The following CFAP299 variants were observed in gnomAD, a reference collection of about 807,000 sequenced individuals.
CFAP299 encodes the protein cilia- and flagella-associated protein 299.
A neutral mutation model predicts 27.0 loss-of-function variants in CFAP299; 21 were observed. That is an observed-to-expected ratio of 0.78 (90% CI 0.55 to 1.12). CFAP299 has a LOEUF of 1.12. Among genes scored for constraint, CFAP299 ranks in the 50% most tolerant of loss-of-function variants. The pLI is 0.00. For missense variants in CFAP299, 310 were observed against 276.6 expected (o/e 1.12, Z -0.86); for synonymous variants, 104 against 98.1 (o/e 1.06, Z -0.36).
chr4:80,467,855 G>A (rs1211607190), intron 2 of CFAP299, among the ~76,000 whole-genome samples: 1 of 152,200 alleles, frequency 6.6e-6, no homozygotes, highest in Non-Finnish European at 1.5e-5. Flanking sequence ...TATTCTTGGT[G>A]ACAGGAGAAA....
intron 3 of CFAP299, among the ~76,000 whole-genome samples, chr4:80,632,477 G>A (rs1023028466): frequency 1.3e-5 from 2 of 152,060 alleles, no homozygotes; most frequent in Admixed American, 6.6e-5. Flanking sequence ...TGCCAGGCAA[G>A]TGCTAGCTAC....
intron 3 of CFAP299, among the ~76,000 whole-genome samples, chr4:80,606,360 C>A (rs897489284): frequency 2.0e-5 from 3 of 152,068 alleles, no homozygotes; most frequent in Non-Finnish European, 1.5e-5. Context: ...CATGGTGAAA[C>A]CCCGTCTCTA....
chr4:80,823,116 C>T (rs887150328), intron 3 of CFAP299, among the ~76,000 whole-genome samples: 30 of 152,176 alleles, frequency 2.0e-4, no homozygotes, highest in Non-Finnish European at 1.8e-4. Flanking sequence ...CCTGGACCTA[C>T]TTAGCACCTC....
chr4:80,949,277 G>A (rs1024806751), intron 5 of CFAP299, among the ~76,000 whole-genome samples: 4 of 151,960 alleles, frequency 2.6e-5, no homozygotes, highest in African/African-American at 9.7e-5. Context: ...GTGTTTTTAG[G>A]GAAATAAGTC....
chr4:80,342,453 A>C (rs903312623), intron 1 of CFAP299, among the ~76,000 whole-genome samples: 4 of 152,242 alleles, frequency 2.6e-5, no homozygotes, highest in African/African-American at 9.6e-5. Context: ...GAAACCTATT[A>C]GACTGACAGT....
intron 3 of CFAP299, among the ~76,000 whole-genome samples, chr4:80,604,694 A>T (rs1737551986): frequency 6.6e-6 from 1 of 152,326 alleles, no homozygotes; most frequent in Admixed American, 6.5e-5. Flanking sequence ...CTTCGAGGAC[A>T]CAATGAACTG....
chr4:80,855,044 C>A (rs895197008), intron 3 of CFAP299, among the ~76,000 whole-genome samples: 3 of 151,456 alleles, frequency 2.0e-5, no homozygotes, highest in Non-Finnish European at 2.9e-5. Flanking sequence ...TCCAAAGAGC[C>A]GAAAGGATTA....
chr4:80,963,521 A>G lies in CFAP299; in HGVS notation c.611A>G (p.Gln204Arg), dbSNP rs1202956086. The G allele has an allele frequency of 6.9e-6, 11 of 1,589,036 alleles. No individual in the cohort carries two copies. Among genetic ancestry groups the G allele is most frequent in the Non-Finnish European group, 9.4e-6 (11 of 1,167,968 alleles). The change falls in exon 6 of 6, where the codon CAG (glutamine) becomes CGG (arginine). Residue 204 changes from glutamine to arginine, a missense_variant. Physicochemically the swap from Gln to Arg is conservative, Grantham distance 43. Transcript: ENST00000358105. ...RKILNVDPKA[Q>R]PGDNSTRITI... The stretch of plus-strand genomic sequence containing the variant: ...AATGTAATTTATGTATTTTAGGCGC[A>G]GCCAGGTGACAACTCTACTAGAATC...
intron 1 of CFAP299, among the ~76,000 whole-genome samples, chr4:80,355,223 G>C (rs1441727376): frequency 6.6e-6 from 1 of 152,020 alleles, no homozygotes; most frequent in Non-Finnish European, 1.5e-5. Flanking sequence ...CATTCCGATT[G>C]GCATGAGATG....
chr4:80,955,210 A>G (rs1738008268), intron 5 of CFAP299, among the ~76,000 whole-genome samples: 1 of 152,062 alleles, frequency 6.6e-6, no homozygotes, highest in Non-Finnish European at 1.5e-5. Context: ...GGAATGAGAA[A>G]TGGTCATCAG....
intron 3 of CFAP299, among the ~76,000 whole-genome samples, chr4:80,604,147 G>C (rs1041727797): frequency 6.6e-6 from 1 of 152,066 alleles, no homozygotes; most frequent in African/African-American, 2.4e-5. Flanking sequence ...CAAATCAAAA[G>C]AAAACTTTAA....
At chr4:80,658,681 G>A (rs1333744768) in intron 3 of CFAP299, among the ~76,000 whole-genome samples, 1 of 152,036 alleles carries the variant, frequency 6.6e-6, no homozygotes, top group African/African-American at 2.4e-5. Flanking sequence ...TTAGTAAGTG[G>A]TTTCCTCTCT....
chr4:80,731,979 C>T (rs902139226), intron 3 of CFAP299, among the ~76,000 whole-genome samples: 2 of 151,852 alleles, frequency 1.3e-5, no homozygotes, highest in East Asian at 3.9e-4. Context: ...TAAAAGCATC[C>T]ATAGAATTTT....
chr4:80,776,874 TA>T (rs1244795792), intron 3 of CFAP299, among the ~76,000 whole-genome samples: 1,471 of 132,638 alleles, frequency 0.011, 4 homozygotes, highest in Admixed American at 0.013. Context: ...CTCTCTAACC[TA>T]AAAAAAAAAA....
At chr4:80,696,591 G>A (rs1202395583) in intron 3 of CFAP299, among the ~76,000 whole-genome samples, 4 of 152,064 alleles carry the variant, frequency 2.6e-5, no homozygotes, top group Non-Finnish European at 5.9e-5. Context: ...CAAGGAGACA[G>A]ACAATAAACA....
chr4:80,350,995 A>C (rs900420992), intron 1 of CFAP299, among the ~76,000 whole-genome samples: 3 of 152,208 alleles, frequency 2.0e-5, no homozygotes, highest in African/African-American at 7.2e-5. Flanking sequence ...TAGAAAAATG[A>C]ACGGCATCTT....
chr4:80,758,269 G>A (rs1440422395), intron 3 of CFAP299, among the ~76,000 whole-genome samples: 3 of 152,178 alleles, frequency 2.0e-5, no homozygotes, highest in Non-Finnish European at 4.4e-5. Context: ...GACAGAGAGG[G>A]AAGGTAATCT....
chr4:80,371,183 G>A (rs2110009045), intron 2 of CFAP299, among the ~76,000 whole-genome samples: 1 of 152,318 alleles, frequency 6.6e-6, no homozygotes, highest in South Asian at 2.1e-4. Context: ...CACAGCTGGA[G>A]CTGGGGTGGC....
intron 3 of CFAP299, among the ~76,000 whole-genome samples, chr4:80,721,563 C>G (rs1722812633): frequency 6.6e-6 from 1 of 152,130 alleles, no homozygotes; most frequent in Non-Finnish European, 1.5e-5. Flanking sequence ...GTTAAGTACT[C>G]TATCTCTAAA....
Sources: gnomAD v4.1 joint callset for allele counts (sites outside exome capture counted in the v4.1 genomes callset) on GRCh38, gnomAD v4.1.1 for gene constraint, MANE v1.5 for transcripts, NCBI Gene and HGNC (gene_info 2026-07-23, HGNC 2026-07-21) for gene names.